The following SCFD2 variants were observed in gnomAD, a reference collection of about 807,000 sequenced individuals.
SCFD2 encodes the protein sec1 family domain containing 2, also known as sec1 family domain-containing protein 2.
Under a neutral mutation model 58.9 loss-of-function variants are expected in SCFD2, and 54 were observed. The observed-to-expected ratio is 0.92, with a 90% CI of 0.74 to 1.15. SCFD2 has a LOEUF of 1.15. SCFD2 is among the 50% of genes most tolerant of loss of function. The pLI, the probability that SCFD2 is intolerant of heterozygous loss-of-function variation, is 0.00. For missense variants in SCFD2, 805 were observed against 836.6 expected (o/e 0.96, Z 0.47); for synonymous variants, 321 against 335.9 (o/e 0.96, Z 0.49).
chr4:53,226,403 A>C (rs1268720907), intron 4 of SCFD2, among the ~76,000 whole-genome samples: 1 of 152,146 alleles, frequency 6.6e-6, no homozygotes, highest in Non-Finnish European at 1.5e-5. Flanking sequence ...TAATTGATAT[A>C]TATTGATATA....
intron 5 of SCFD2, among the ~76,000 whole-genome samples, chr4:53,138,058 G>C (rs1047928364): frequency 3.9e-5 from 6 of 152,144 alleles, no homozygotes; most frequent in African/African-American, 1.4e-4. Flanking sequence ...TGCACATGAT[G>C]AGAAAAGGGT....
intron 5 of SCFD2, among the ~76,000 whole-genome samples, chr4:53,065,371 A>G (rs1449053752): frequency 1.3e-5 from 2 of 152,108 alleles, no homozygotes; most frequent in Non-Finnish European, 2.9e-5. Flanking sequence ...AAATCTGGAA[A>G]GAAAATGAAT....
chr4:53,228,073 T>C (rs1729282730), intron 4 of SCFD2, among the ~76,000 whole-genome samples: 1 of 152,162 alleles, frequency 6.6e-6, no homozygotes, highest in East Asian at 1.9e-4. Context: ...CTTCTGTTCC[T>C]TCCTCTGTAA....
intron 5 of SCFD2, among the ~76,000 whole-genome samples, chr4:53,006,138 C>G (rs1721966394): frequency 6.6e-6 from 1 of 152,230 alleles, no homozygotes; most frequent in Non-Finnish European, 1.5e-5. Context: ...GGGACCCAGT[C>G]ATTCCTCATC....
chr4:53,284,265 T>A (rs1309216515), intron 3 of SCFD2, among the ~76,000 whole-genome samples: 1 of 151,908 alleles, frequency 6.6e-6, no homozygotes, highest in East Asian at 1.9e-4. Context: ...CATTGCCACA[T>A]TACCATACTA....
chr4:52,896,667 C>T (rs1719023530), intron 7 of SCFD2, among the ~76,000 whole-genome samples: 1 of 152,122 alleles, frequency 6.6e-6, no homozygotes, highest in East Asian at 1.9e-4. Context: ...TCCATATGAA[C>T]TTTAAAGTAG....
At chr4:52,948,333 C>T (rs2930106) in intron 5 of SCFD2, 24,214 of 290,386 alleles carry the variant, frequency 0.083, 2,060 homozygotes, top group African/African-American at 0.27. Context: ...CCCCAAAGAC[C>T]GGGAAGTAAT....
chr4:52,919,102 G>C (rs948913011), intron 6 of SCFD2, among the ~76,000 whole-genome samples: 17 of 152,212 alleles, frequency 1.1e-4, no homozygotes, highest in African/African-American at 4.1e-4. Context: ...AAATGACAGT[G>C]TTGGCAGCAG....
chr4:52,886,226 T>C (rs1718737554), intron 7 of SCFD2, among the ~76,000 whole-genome samples: 1 of 152,182 alleles, frequency 6.6e-6, no homozygotes, highest in Non-Finnish European at 1.5e-5. Flanking sequence ...TTAGCCTTTT[T>C]TTTGCTTACT....
rs962994656 is a variant in SCFD2, at chr4:52,916,447, G to A, written c.1707+4278C>T. 7.7e-4 allele frequency among the ~76,000 whole-genome samples: 117 copies of A among 152,196 alleles called. 4 individuals carry two copies. The highest frequency in any genetic ancestry group is 3.8e-4 in the East Asian group (2 of 5,200). On this transcript the variant is annotated intron_variant, in intron 6 of 8. Transcript: ENST00000401642. ...AATGTAGCTGGGCATGATGGCGCGC[G>A]CCTGTAGTCCCAGCTATTTGGGAGG...
intron 4 of SCFD2, among the ~76,000 whole-genome samples, chr4:53,182,991 G>A (rs186997430): frequency 3.3e-5 from 5 of 152,258 alleles, no homozygotes; most frequent in Admixed American, 3.3e-4. Flanking sequence ...TCATTAAAAA[G>A]TCAGGAAACA....
intron 3 of SCFD2, among the ~76,000 whole-genome samples, chr4:53,282,563 T>C (rs1354958093): frequency 6.6e-6 from 1 of 152,160 alleles, no homozygotes; most frequent in Non-Finnish European, 1.5e-5. Flanking sequence ...CACAGAGTTG[T>C]ACAACCATCA....
At chr4:52,922,716 G>GT (rs1719769937) in intron 5 of SCFD2, among the ~76,000 whole-genome samples, 2 of 152,066 alleles carry the variant, frequency 1.3e-5, no homozygotes, top group Admixed American at 1.3e-4. Flanking sequence ...TTTCTCTTAG[G>GT]TATATACCTA....
At chr4:52,942,703 C>T (rs1467092083) in intron 5 of SCFD2, among the ~76,000 whole-genome samples, 1 of 152,112 alleles carries the variant, frequency 6.6e-6, no homozygotes, top group Non-Finnish European at 1.5e-5. Context: ...ACGTAGCACT[C>T]TCAATGAATG....
chr4:52,910,788 T>A (rs918143327), intron 6 of SCFD2, among the ~76,000 whole-genome samples: 3 of 152,166 alleles, frequency 2.0e-5, no homozygotes, highest in Admixed American at 6.5e-5. Context: ...ACTCATGCTG[T>A]TCTCATGACA....
At chr4:53,214,650 A>C (rs1181827828) in intron 4 of SCFD2, among the ~76,000 whole-genome samples, 2 of 152,048 alleles carry the variant, frequency 1.3e-5, no homozygotes, top group Non-Finnish European at 2.9e-5. Context: ...GAAGCTCTTT[A>C]GTTTAATTAG....
At chr4:52,890,119 C>T (rs1178213794) in intron 7 of SCFD2, among the ~76,000 whole-genome samples, 1 of 152,204 alleles carries the variant, frequency 6.6e-6, no homozygotes, top group Non-Finnish European at 1.5e-5. Context: ...TTCCTTCCAG[C>T]CCTACAAACA....
At chr4:52,913,790 TGA>T (rs1196791373) in intron 6 of SCFD2, among the ~76,000 whole-genome samples, 1 of 152,062 alleles carries the variant, frequency 6.6e-6, no homozygotes, top group Non-Finnish European at 1.5e-5. Context: ...AGATGATGAA[TGA>T]GAGAGAGAGT....
Position 53,352,901 on chromosome 4 carries a change from C to T in SCFD2, c.839-135G>A, listed in dbSNP as rs1734273975. The T allele has an allele frequency of 2.2e-5, 16 of 736,232 alleles. No individual in the cohort carries two copies. The South Asian group carries it at 2.9e-4, about 13-fold the overall frequency. 45.6% of individuals were successfully genotyped at this position (736,232 alleles called of 1,614,324 possible). A position where few individuals can be genotyped will look rare whatever the true frequency, so the allele number is the denominator to read the frequency against. Reference sequence around the variant, plus strand: ...CTGTTCAACAAAACTCACATTTTGCCCTTCATACAGCTAATCACATTCACA... The same window carrying T: ...CTGTTCAACAAAACTCACATTTTGCTCTTCATACAGCTAATCACATTCACA... On this transcript the variant is annotated intron_variant, in intron 1 of 8. Coordinates refer to ENST00000401642, the MANE Select transcript of SCFD2 (RefSeq NM_152540.4).
Sources: allele counts gnomAD v4.1 joint callset (sites outside exome capture counted in the v4.1 genomes callset), GRCh38; gene constraint gnomAD v4.1.1; transcripts MANE v1.5; gene names NCBI Gene and HGNC (gene_info 2026-07-23, HGNC 2026-07-21).